The following TNNI1 variants were observed in gnomAD, a reference collection of about 807,000 sequenced individuals.
TNNI1 encodes the protein troponin I1, slow skeletal type, also known as troponin I, slow skeletal muscle.
Under a neutral mutation model 26.7 loss-of-function variants are expected in TNNI1, and 14 were observed. That is an observed-to-expected ratio of 0.52 (90% CI 0.35 to 0.82). TNNI1 has a LOEUF of 0.82. Ranked by LOEUF, TNNI1 falls within the 40% of genes least tolerant of loss-of-function variation. TNNI1 has a pLI of 0.01. For synonymous variants in TNNI1, 79 were observed against 98.2 expected, an observed-to-expected ratio of 0.80 and a Z score of 1.16; for missense variants, 164 against 257.0, an observed-to-expected ratio of 0.64 and a Z score of 2.47.
intron 4 of TNNI1, 70 bp downstream of exon 4, chr1:201,415,143 C>A (rs1220990458): frequency 7.2e-7 from 1 of 1,381,212 alleles, no homozygotes; most frequent in East Asian, 2.3e-5. Context: ...CTCCACATCC[C>A]TTCAGAGTCT....
chr1:201,417,185 G>T, intron 2 of TNNI1, 66 bp from the exon 3 acceptor site: 2 of 1,607,636 alleles, frequency 1.2e-6, no homozygotes, highest in Non-Finnish European at 1.7e-6. Context: ...GAACAATGAG[G>T]ATTACATGTG....
In TNNI1 at chr1:201,404,368, T is replaced by C. The variant is rs1662475889; in HGVS notation, c.*4885A>G. On this transcript the variant is annotated 3_prime_UTR_variant, in exon 9 of 9. Transcript: ENST00000361379. Reference sequence around the variant, plus strand: ...CTCAGCTGAGCAACTGCCATGCTTGTGGCACTCTTAGGGGAAGGGAAGAAA... The same window carrying C: ...CTCAGCTGAGCAACTGCCATGCTTGCGGCACTCTTAGGGGAAGGGAAGAAA... 6.6e-6 allele frequency: 1 copy of C among 152,090 alleles called. No individual in the cohort carries two copies. The highest frequency in any genetic ancestry group is 2.4e-5 in the African/African-American group (1 of 41,416). The allele number at this position is 152,090 out of a possible 1,614,324, so 9.4% of individuals were successfully genotyped here.
intron 2 of TNNI1, 93 bp from the exon 3 acceptor site, chr1:201,417,212 C>A: frequency 6.4e-7 from 1 of 1,557,420 alleles, no homozygotes; most frequent in South Asian, 1.1e-5. Context: ...CAGAACCTCA[C>A]AGACCAGCTT....
rs906155673 is a variant in TNNI1, at chr1:201,411,201, C to T, written c.456+156G>A. ...GGGAGCAAATCTTCTTTCTTTCTTC[C>T]CACACTGGTCTCCCAAAGCATTCTA... On this transcript the variant is annotated intron_variant, in intron 7 of 8. Coordinates refer to ENST00000361379, the MANE Select transcript of TNNI1 (RefSeq NM_003281.4). The surrounding 1 kb of genome is among the most constrained non-coding windows in gnomAD (Gnocchi z 4.6). Among the ~76,000 whole-genome samples, 1 of 152,162 alleles carries T rather than the reference C, an allele frequency of 6.6e-6. No homozygotes were observed. The highest frequency in any genetic ancestry group is 1.5e-5 in the Non-Finnish European group (1 of 68,026).
At position 201,411,654 on chromosome 1, in the gene TNNI1, A is replaced by G; in HGVS notation, c.280-121T>C. 1 of 1,057,982 alleles carries G rather than the reference A, an allele frequency of 9.5e-7. No individual in the cohort carries two copies. The highest frequency in any genetic ancestry group is 1.3e-6 in the Non-Finnish European group (1 of 775,858). The allele number at this position is 1,057,982 out of a possible 1,614,324, so 65.5% of individuals were successfully genotyped here. The stretch of plus-strand genomic sequence containing the variant: ...TACACCTTAAATTGTCCACCCTTGA[A>G]GCCAGACCTATCAGCAGTCACCAAC... On this transcript the variant is annotated intron_variant, in intron 6 of 8. Coordinates refer to ENST00000361379, the MANE Select transcript of TNNI1 (RefSeq NM_003281.4). This position sits in a 1 kb window ranked among gnomAD's most constrained non-coding sequence, Gnocchi z 4.6.
rs1208126165 is a variant in TNNI1, at chr1:201,405,435, A to T, written c.*3818T>A. 6.5e-6 allele frequency: 1 copy of T among 152,722 alleles called. No individual in the cohort carries two copies. The highest frequency in any genetic ancestry group is 1.5e-5 in the Non-Finnish European group (1 of 68,076). The allele number at this position is 152,722 out of a possible 1,614,324, so 9.5% of individuals were successfully genotyped here. ...TGAGGAAAGAGACCTGATGGGGGTC[A>T]GGAGCAGAAGCTGCCATTAGCACTG... On this transcript the variant is annotated 3_prime_UTR_variant, in exon 9 of 9. Coordinates refer to ENST00000361379, the MANE Select transcript of TNNI1 (RefSeq NM_003281.4).
chr1:201,410,506 T>C, intron 7 of TNNI1, 71 bp from the exon 8 acceptor site: 1 of 1,348,536 alleles, frequency 7.4e-7, no homozygotes, highest in Non-Finnish European at 1.1e-6. Context: ...AGAAGCTGGG[T>C]GATAGGAAAC....
In TNNI1 at chr1:201,404,633, G is replaced by A. The variant is rs2102365859; in HGVS notation, c.*4620C>T. 1 of 152,316 alleles carries A rather than the reference G, an allele frequency of 6.6e-6. No individual in the cohort carries two copies. The highest frequency in any genetic ancestry group is 6.5e-5 in the Admixed American group (1 of 15,300). 9.4% of individuals were successfully genotyped at this position (152,316 alleles called of 1,614,324 possible). A position where few individuals can be genotyped will look rare whatever the true frequency, so the allele number is the denominator to read the frequency against. On this transcript the variant is annotated 3_prime_UTR_variant, in exon 9 of 9. Transcript: ENST00000361379. Reference sequence around the variant, plus strand: ...AAGGCATGCATGCTTTTAGATCAGAGGAAGGTCGTTTCCACTGAATACATT... The same window carrying A: ...AAGGCATGCATGCTTTTAGATCAGAAGAAGGTCGTTTCCACTGAATACATT...
At position 201,414,638 on chromosome 1, in the gene TNNI1, C is replaced by T; in HGVS notation, c.69G>A (p.Leu23=). Residue 23 remains leucine (L), a synonymous_variant, in exon 5 of 9, where the codon CTG becomes CTA. Coordinates refer to ENST00000361379, the MANE Select transcript of TNNI1 (RefSeq NM_003281.4). ...SRKLLLKSLM[L]AKAKECWEQE... ...GCTCCCAGCATTCCTTGGCCTTGGC[C>T]AGCATCAGGCTCTGGACAGGACACA... 6.2e-7 allele frequency: 1 copy of T among 1,613,830 alleles called. No homozygotes were observed. Among genetic ancestry groups the T allele is most frequent in the Non-Finnish European group, 8.5e-7 (1 of 1,179,942 alleles).
At position 201,415,270 on chromosome 1, in the gene TNNI1, G is replaced by C. The variant is rs1662713646; in HGVS notation, c.16-16C>G. On this transcript the variant is annotated splice_polypyrimidine_tract_variant and intron_variant, in intron 3 of 8. Coordinates refer to ENST00000361379, the MANE Select transcript of TNNI1 (RefSeq NM_003281.4). ...TGGGTTTTCTCTGTGGGCAAGAAGA[G>C]AGAGAGACAGGTGGTGAGGCAGAGG... The C allele has an allele frequency of 3.7e-6, 6 of 1,613,144 alleles. No homozygotes were observed. The highest frequency in any genetic ancestry group is 5.1e-6 in the Non-Finnish European group (6 of 1,179,830).
chr1:201,417,145 C>T (rs376014406), intron 2 of TNNI1, 26 bp from the exon 3 acceptor site: 243 of 1,613,916 alleles, frequency 1.5e-4, no homozygotes, highest in South Asian at 1.2e-3. Flanking sequence ...ACAGGAAGGA[C>T]GGGGAAAGAG....
At position 201,417,860 on chromosome 1, in the gene TNNI1, C is replaced by T. The variant is rs570443175; in HGVS notation, c.-19-48G>A. ...TCATAAGGGAAAGTGGAAACCCCTG[C>T]CCCTGCCCAGCTGGGCCTTGGGAGC... On this transcript the variant is annotated intron_variant, in intron 1 of 8. Transcript: ENST00000361379. 8 of 1,297,296 alleles carry T rather than the reference C, an allele frequency of 6.2e-6. No individual in the cohort carries two copies. In the East Asian group the frequency reaches 2.3e-4, roughly 37 times the overall value. The allele number at this position is 1,297,296 out of a possible 1,614,324, so 80.4% of individuals were successfully genotyped here.
rs1050543864 is a variant in TNNI1 at position 201,405,262 on chromosome 1, T to G, written c.*3991A>C. ...CATTGACCGCAGTGCTCTGGGCCAG[T>G]GCTATGGGGTTTTCGAGGCTCACCC... On this transcript the variant is annotated 3_prime_UTR_variant, in exon 9 of 9. Transcript: ENST00000361379. The G allele has an allele frequency of 6.5e-6, 1 of 152,710 alleles. No homozygotes were observed. Among genetic ancestry groups the G allele is most frequent in the African/African-American group, 2.4e-5 (1 of 41,456 alleles). The allele number at this position is 152,710 out of a possible 1,614,324, so 9.5% of individuals were successfully genotyped here.
In TNNI1 at chr1:201,407,669, G is replaced by A. The variant is rs16848524; in HGVS notation, c.*1584C>T. On this transcript the variant is annotated 3_prime_UTR_variant, in exon 9 of 9. Coordinates refer to ENST00000361379, the MANE Select transcript of TNNI1 (RefSeq NM_003281.4). ...TCCTAGGGCCAGTGCTAGGGTGGTC[G>A]AAAAGCCAAGGGACCCCAGGTCTGG... The A allele has an allele frequency of 0.024, 3,653 of 152,266 alleles. 140 individuals carry two copies. Among genetic ancestry groups the A allele is most frequent in the African/African-American group, 0.083 (3,460 of 41,518 alleles). 9.4% of individuals were successfully genotyped at this position (152,266 alleles called of 1,614,324 possible). A position where few individuals can be genotyped will look rare whatever the true frequency, so the allele number is the denominator to read the frequency against.
At chr1:201,420,087 G>A (rs1662827156) in intron 1 of TNNI1, among the ~76,000 whole-genome samples, 1 of 152,200 alleles carries the variant, frequency 6.6e-6, no homozygotes, top group Admixed American at 6.5e-5. Flanking sequence ...CCTTGTCCTT[G>A]GTGGGCATTT....
Position 201,411,247 on chromosome 1 carries a change from T to C in TNNI1, c.456+110A>G. ...TTCTAGAATGTTCTGTCTGTCAAGCTGACTGGTCTCCAACAGGAGCTCCTG... is the reference window on the plus strand; with the variant it reads ...TTCTAGAATGTTCTGTCTGTCAAGCCGACTGGTCTCCAACAGGAGCTCCTG... On this transcript the variant is annotated intron_variant, in intron 7 of 8. Coordinates refer to ENST00000361379, the MANE Select transcript of TNNI1 (RefSeq NM_003281.4). The surrounding 1 kb of genome is among the most constrained non-coding windows in gnomAD (Gnocchi z 4.6). 2 of 1,127,862 alleles carry C rather than the reference T, an allele frequency of 1.8e-6. No homozygotes were observed. The highest frequency in any genetic ancestry group is 2.9e-5 in the South Asian group (2 of 70,024). 69.9% of individuals were successfully genotyped at this position (1,127,862 alleles called of 1,614,324 possible).
chr1:201,412,802 C>G (rs1385453124), intron 6 of TNNI1, among the ~76,000 whole-genome samples: 1 of 152,240 alleles, frequency 6.6e-6, no homozygotes, highest in African/African-American at 2.4e-5. Flanking sequence ...TTCTGTTAGG[C>G]TGATGAGCCC....
intron 3 of TNNI1, among the ~76,000 whole-genome samples, chr1:201,415,595 C>T (rs1232017543): frequency 6.6e-6 from 1 of 151,864 alleles, no homozygotes; most frequent in East Asian, 1.9e-4. Context: ...TTACTTAGTT[C>T]ACAGAGTTAT....
rs552148208 is a variant in TNNI1 at position 201,405,878 on chromosome 1, G to A, written c.*3375C>T. 9 of 152,428 alleles carry A rather than the reference G, an allele frequency of 5.9e-5. No individual in the cohort carries two copies. The South Asian group carries it at 1.7e-3, about 28-fold the overall frequency. The allele number at this position is 152,428 out of a possible 1,614,324, so 9.4% of individuals were successfully genotyped here. A position where few individuals can be genotyped will look rare whatever the true frequency, so the allele number is the denominator to read the frequency against. On this transcript the variant is annotated 3_prime_UTR_variant, in exon 9 of 9. Coordinates refer to ENST00000361379, the MANE Select transcript of TNNI1 (RefSeq NM_003281.4). ...CCATCTCCACCAGCTGCAGAGAGAGGGGGTGCCCACCCAGCTATTGTGTGC... is the reference window on the plus strand; with the variant it reads ...CCATCTCCACCAGCTGCAGAGAGAGAGGGTGCCCACCCAGCTATTGTGTGC...
Sources: gnomAD v4.1 joint callset for allele counts (sites outside exome capture counted in the v4.1 genomes callset) on GRCh38, gnomAD v4.1.1 for gene constraint, Gnocchi (gnomAD v3.1) non-coding constraint, MANE v1.5 for transcripts, NCBI Gene and HGNC (gene_info 2026-07-23, HGNC 2026-07-21) for gene names.